Variants in MTCH1 observed in about 807,000 individuals in gnomAD.
The protein encoded by MTCH1 is mitochondrial carrier homolog 1.
A neutral mutation model predicts 49.3 loss-of-function variants in MTCH1; 23 were observed. That is an observed-to-expected ratio of 0.47 (90% CI 0.34 to 0.66). MTCH1 has a LOEUF of 0.66. Ranked by LOEUF, MTCH1 falls within the 30% of genes least tolerant of loss-of-function variation. The pLI is 0.01. For missense variants in MTCH1, 397 were observed against 532.1 expected (o/e 0.75, Z 2.50); for synonymous variants, 229 against 215.2 (o/e 1.06, Z -0.56).
At chr6:36,971,912 A>G (rs1763700296) in intron 8 of MTCH1, among the ~76,000 whole-genome samples, 1 of 151,896 alleles carries the variant, frequency 6.6e-6, no homozygotes, top group Non-Finnish European at 1.5e-5. Flanking sequence ...GAACCAGTCA[A>G]CCCCTCAGGT....
At position 36,978,695 on chromosome 6, in the gene MTCH1, G is replaced by A. The variant is rs1041207712; in HGVS notation, c.407-84C>T. On this transcript the variant is annotated intron_variant, in intron 2 of 11. Coordinates refer to ENST00000373627, the MANE Select transcript of MTCH1 (RefSeq NM_001271641.2). The stretch of plus-strand genomic sequence containing the variant: ...GGTCACACACACCCAGACCAGGCTC[G>A]GCTTGTCCTTCAGGTAACTGCTGAC... 31 of 1,232,924 alleles carry A rather than the reference G, an allele frequency of 2.5e-5. No homozygotes were observed. The East Asian group carries it at 5.0e-4, about 20-fold the overall frequency. The allele number at this position is 1,232,924 out of a possible 1,614,324, so 76.4% of individuals were successfully genotyped here. A position where few individuals can be genotyped will look rare whatever the true frequency, so the allele number is the denominator to read the frequency against.
intron 1 of MTCH1, among the ~76,000 whole-genome samples, 197 bp from the exon 2 acceptor site, chr6:36,981,869 C>T (rs999598762): frequency 6.6e-6 from 1 of 152,166 alleles, no homozygotes; most frequent in Non-Finnish European, 1.5e-5. Context: ...CGTAAACTCC[C>T]AATCAACAGA....
chr6:36,973,036 A>G (rs1385159753), intron 7 of MTCH1, among the ~76,000 whole-genome samples: 2 of 152,166 alleles, frequency 1.3e-5, no homozygotes, highest in African/African-American at 4.8e-5. Context: ...TAATAGTCTC[A>G]AGCAGTTTTC....
chr6:36,970,233 C>T lies in MTCH1; in HGVS notation c.1023-119G>A. Reference sequence around the variant, plus strand: ...CCATCCACACCCTGACCCCTGACACCACAGTTTACCCCAGGGGGTGCTGGG... The same window carrying T: ...CCATCCACACCCTGACCCCTGACACTACAGTTTACCCCAGGGGGTGCTGGG... On this transcript the variant is annotated intron_variant, in intron 10 of 11. Transcript: ENST00000373627. 7.0e-6 allele frequency: 10 copies of T among 1,421,052 alleles called. No homozygotes were observed. In the South Asian group the frequency reaches 1.3e-4, roughly 18 times the overall value. 88.0% of individuals were successfully genotyped at this position (1,421,052 alleles called of 1,614,324 possible).
At chr6:36,969,803 A>G (rs1377765385) in intron 11 of MTCH1, 31 of 1,459,288 alleles carry the variant, frequency 2.1e-5, no homozygotes, top group Non-Finnish European at 2.8e-5. Flanking sequence ...TCAAAGAAGA[A>G]AAGGTCTTGT....
At chr6:36,978,875 CTTTTTTT>C (rs11322816) in intron 2 of MTCH1, among the ~76,000 whole-genome samples, 7 of 100,420 alleles carry the variant, frequency 7.0e-5, no homozygotes, top group Non-Finnish European at 1.1e-4. Context: ...TCCCTCCCTC[CTTTTTTT>C]TTTTTTTTTT....
At position 36,977,101 on chromosome 6, in the gene MTCH1, A is replaced by G; in HGVS notation, c.701+98T>C. ...CAGCAGGCTGAACTCACACAGCACT[A>G]GGGCAGAAAAGGTGCAGCAACCAAT... On this transcript the variant is annotated intron_variant, in intron 6 of 11. Coordinates refer to ENST00000373627, the MANE Select transcript of MTCH1 (RefSeq NM_001271641.2). This position sits in a 1 kb window ranked among gnomAD's most constrained non-coding sequence, Gnocchi z 5.4. 3.1e-6 allele frequency: 4 copies of G among 1,282,942 alleles called. No homozygotes were observed. The highest frequency in any genetic ancestry group is 4.5e-6 in the Non-Finnish European group (4 of 883,192). 79.5% of individuals were successfully genotyped at this position (1,282,942 alleles called of 1,614,324 possible).
chr6:36,981,927 C>T (rs931244423), intron 1 of MTCH1, among the ~76,000 whole-genome samples: 12 of 152,350 alleles, frequency 7.9e-5, no homozygotes, highest in African/African-American at 2.6e-4. Context: ...GTCACACCCA[C>T]ACCCCAACAT....
chr6:36,968,171 G>A lies in MTCH1; in HGVS notation c.*732C>T, dbSNP rs1763546744. ...ATCACCAATACATTTATTTGCGGGA[G>A]ATGAGGTCAAATCTTACCATGAACT... On this transcript the variant is annotated 3_prime_UTR_variant, in exon 12 of 12. Coordinates refer to ENST00000373627, the MANE Select transcript of MTCH1 (RefSeq NM_001271641.2). 1 of 152,890 alleles carries A rather than the reference G, an allele frequency of 6.5e-6. No individual in the cohort carries two copies. The highest frequency in any genetic ancestry group is 2.4e-5 in the African/African-American group (1 of 41,468). 9.5% of individuals were successfully genotyped at this position (152,890 alleles called of 1,614,324 possible).
chr6:36,969,690 G>A (rs1332318754), intron 11 of MTCH1: 11 of 1,211,196 alleles, frequency 9.1e-6, no homozygotes, highest in South Asian at 3.2e-5. Flanking sequence ...TACAGACCTC[G>A]AATTTTCAGC....
intron 1 of MTCH1, among the ~76,000 whole-genome samples, chr6:36,984,319 C>T (rs914720306): frequency 1.3e-5 from 2 of 152,184 alleles, no homozygotes; most frequent in Non-Finnish European, 2.9e-5. Flanking sequence ...GTCTGGTCTA[C>T]ACCTTCCGCC....
rs759587752 is a variant in MTCH1 at position 36,970,432 on chromosome 6, G to A, written c.996C>T (p.Gly332=). 16 of 1,614,028 alleles carry A rather than the reference G, an allele frequency of 9.9e-6. No homozygotes were observed. The highest frequency in any genetic ancestry group is 2.7e-5 in the African/African-American group (2 of 74,932). The part of the protein sequence containing the change: ...SMLTYPFLLV[G]DLMAVNNCGL... ...CGCAGTTGTTCACAGCCATGAGGTC[G>A]CCAACTAGCAGGAAGGGGTAGGTCA... Residue 332 remains glycine, a synonymous_variant, in exon 10 of 12, where the codon GGC becomes GGT. Coordinates refer to ENST00000373627, the MANE Select transcript of MTCH1 (RefSeq NM_001271641.2).
chr6:36,980,440 G>A (rs1764044651), intron 2 of MTCH1, among the ~76,000 whole-genome samples: 1 of 152,170 alleles, frequency 6.6e-6, no homozygotes, highest in Non-Finnish European at 1.5e-5. Flanking sequence ...ACTACACAAT[G>A]GTGGGGTGCC....
In MTCH1 at chr6:36,986,092, C is replaced by T. The variant is rs1583272727; in HGVS notation, c.82G>A (p.Ala28Thr). 2 of 1,435,432 alleles carry T rather than the reference C, an allele frequency of 1.4e-6. No homozygotes were observed. Among genetic ancestry groups the T allele is most frequent in the Non-Finnish European group, 9.0e-7 (1 of 1,105,920 alleles). 88.9% of individuals were successfully genotyped at this position (1,435,432 alleles called of 1,614,324 possible). A position where few individuals can be genotyped will look rare whatever the true frequency, so the allele number is the denominator to read the frequency against. The change falls in exon 1 of 12, where the codon GCT becomes ACT. Residue 28 changes from alanine (A) to threonine (T), a missense_variant. Physicochemically the swap from Ala to Thr is moderately conservative, Grantham distance 58. Around this residue, in one of 2 missense-constraint regions of MTCH1, gnomAD observed 145 missense variants for 143.8 expected, o/e 1.01. Coordinates refer to ENST00000373627, the MANE Select transcript of MTCH1 (RefSeq NM_001271641.2). ...ACCCCCGCCGCCGCTCCGCCGCGAG[C>T]TCCGGCTCCAGCTCCGGCTCCCGCC... Reference protein sequence around the residue: ...GMAGAGAGAGARGGAAAGVEA... With the variant: ...GMAGAGAGAGTRGGAAAGVEA...
chr6:36,977,949 C>T lies in MTCH1; in HGVS notation c.591+129G>A. The T allele has an allele frequency of 1.1e-6, 1 of 915,842 alleles. No homozygotes were observed. Among genetic ancestry groups the T allele is most frequent in the African/African-American group, 1.6e-5 (1 of 61,002 alleles). The allele number at this position is 915,842 out of a possible 1,614,324, so 56.7% of individuals were successfully genotyped here. On this transcript the variant is annotated intron_variant, in intron 4 of 11. Transcript: ENST00000373627. This position sits in a 1 kb window ranked among gnomAD's most constrained non-coding sequence, Gnocchi z 5.4. ...GCACATCCAGGCCAGGGCTTCTTCC[C>T]TTACCATCCCACCCATGCATACACA...
Position 36,982,180 on chromosome 6 carries a change from C to T in MTCH1, c.322-508G>A, listed in dbSNP as rs1746403498. Among the ~76,000 whole-genome samples, 1 of 152,090 alleles carries T rather than the reference C, an allele frequency of 6.6e-6. No individual in the cohort carries two copies. The highest frequency in any genetic ancestry group is 2.4e-5 in the African/African-American group (1 of 41,410). On this transcript the variant is annotated intron_variant, in intron 1 of 11. Transcript: ENST00000373627. The surrounding 1 kb of genome is among the most constrained non-coding windows in gnomAD (Gnocchi z 4.1). Reference sequence around the variant, plus strand: ...CTCAAATTTCTTACCAAATCTACTGCAGACACCTCCATGTCTATTCCTCCC... The same window carrying T: ...CTCAAATTTCTTACCAAATCTACTGTAGACACCTCCATGTCTATTCCTCCC...
At chr6:36,986,346 AC>A, upstream of MTCH1, 1 of 517,206 alleles carries the variant, frequency 1.9e-6, no homozygotes, top group Non-Finnish European at 3.0e-6. Flanking sequence ...GCCTAGCAGG[AC>A]ACTGGGCTGC....
intron 1 of MTCH1, among the ~76,000 whole-genome samples, chr6:36,984,165 T>C (rs1764207405): frequency 6.6e-6 from 1 of 150,668 alleles, no homozygotes; most frequent in Non-Finnish European, 1.5e-5. Flanking sequence ...TAGCCCTCAC[T>C]CAGTCTCATT....
At chr6:36,979,593 A>C (rs544811051) in intron 2 of MTCH1, among the ~76,000 whole-genome samples, 7 of 152,296 alleles carry the variant, frequency 4.6e-5, no homozygotes, top group African/African-American at 1.4e-4. Flanking sequence ...TGGGTTTTTC[A>C]TGAGGCTGAG....
Sources: gnomAD v4.1 joint callset for allele counts (sites outside exome capture counted in the v4.1 genomes callset) on GRCh38, gnomAD v4.1.1 for gene constraint, gnomAD v4.1.1 regional missense constraint, Gnocchi (gnomAD v3.1) non-coding constraint, MANE v1.5 for transcripts, NCBI Gene and HGNC (gene_info 2026-07-23, HGNC 2026-07-21) for gene names.